XYLT1: variants seen among roughly 807,000 people sequenced by gnomAD.
The protein encoded by XYLT1 is beta-D-xylosyltransferase 1.
Under a neutral mutation model 91.3 loss-of-function variants are expected in XYLT1, and 36 were observed. The ratio of observed to expected loss-of-function variants is 0.39; its 90% CI spans 0.30 to 0.52. The LOEUF (loss-of-function observed/expected upper bound fraction) is 0.52, where lower values mean the gene tolerates loss of function less well. XYLT1 is among the 20% of genes least tolerant of loss of function. The pLI, the probability that XYLT1 is intolerant of heterozygous loss-of-function variation, is 0.68. For synonymous variants in XYLT1, 588 were observed against 532.0 expected (o/e 1.11, Z -1.45); for missense variants, 1,242 against 1,284.5 (o/e 0.97, Z 0.51).
intron 2 of XYLT1, among the ~76,000 whole-genome samples, chr16:17,351,977 CTACAAAAAT>C (rs763885337): frequency 2.8e-4 from 42 of 152,130 alleles, no homozygotes; most frequent in Non-Finnish European, 5.1e-4. Flanking sequence ...AATCCCACCT[CTACAAAAAT>C]TACAAAAATT....
At chr16:17,424,361 G>A (rs1052455548) in intron 1 of XYLT1, among the ~76,000 whole-genome samples, 3 of 152,144 alleles carry the variant, frequency 2.0e-5, no homozygotes, top group South Asian at 2.1e-4. Context: ...TATTCCATTC[G>A]GTTCATGAAC....
chr16:17,463,258 C>G (rs533193136), intron 1 of XYLT1, among the ~76,000 whole-genome samples: 1 of 152,058 alleles, frequency 6.6e-6, no homozygotes, highest in African/African-American at 2.4e-5. Context: ...AGCTTCTGCA[C>G]GGCAAACAAT....
At chr16:17,212,164 T>C (rs2032769962) in intron 3 of XYLT1, among the ~76,000 whole-genome samples, 1 of 152,234 alleles carries the variant, frequency 6.6e-6, no homozygotes, top group African/African-American at 2.4e-5. Context: ...CCAAACCTTC[T>C]GAATCAGAAA....
chr16:17,441,689 C>A (rs1056853026), intron 1 of XYLT1, among the ~76,000 whole-genome samples: 1 of 152,080 alleles, frequency 6.6e-6, no homozygotes, highest in Admixed American at 6.5e-5. Flanking sequence ...AAGTAGCAAT[C>A]GCAAGAACAG....
rs74010755 is a variant in XYLT1, at chr16:17,239,066, C to T, written c.913+19922G>A. Among the ~76,000 whole-genome samples the T allele has an allele frequency of 3.9e-3, 590 of 152,364 alleles. 2 individuals carry two copies. Among genetic ancestry groups the T allele is most frequent in the African/African-American group, 0.013 (551 of 41,584 alleles). On this transcript the variant is annotated intron_variant, in intron 3 of 11. Transcript: ENST00000261381. ...CAGCCAACAGACTGCCAAATTCTGC[C>T]AAATTTGCCTCCTGAATTGTTTTCA...
At chr16:17,438,736 A>T (rs1200052358) in intron 1 of XYLT1, among the ~76,000 whole-genome samples, 2 of 152,066 alleles carry the variant, frequency 1.3e-5, no homozygotes, top group African/African-American at 2.4e-5. Flanking sequence ...GTGGCAGGAG[A>T]GAGAGAGTGA....
intron 1 of XYLT1, among the ~76,000 whole-genome samples, chr16:17,396,777 A>G: frequency 6.6e-6 from 1 of 152,184 alleles, no homozygotes; most frequent in East Asian, 1.9e-4. Context: ...AATCTGAGGC[A>G]GGAGAATGGC....
At chr16:17,257,110 G>C (rs2033645136) in intron 3 of XYLT1, among the ~76,000 whole-genome samples, 1 of 152,214 alleles carries the variant, frequency 6.6e-6, no homozygotes, top group African/African-American at 2.4e-5. Context: ...TTTGGATTTA[G>C]AAGCGACAAG....
Position 17,212,739 on chromosome 16 carries a change from C to T in XYLT1, c.914-12085G>A, listed in dbSNP as rs1224743241. Reference sequence around the variant, plus strand: ...GAACCGTCTTATTGATTTTATTGTTCAGAGCCCTGGGATATTCTAATGATA... The same window carrying T: ...GAACCGTCTTATTGATTTTATTGTTTAGAGCCCTGGGATATTCTAATGATA... On this transcript the variant is annotated intron_variant, in intron 3 of 11. Transcript: ENST00000261381. Among the ~76,000 whole-genome samples, 13 of 152,242 alleles carry T rather than the reference C, an allele frequency of 8.5e-5. No individual in the cohort carries two copies. In the East Asian group the frequency reaches 2.5e-3, roughly 29 times the overall value.
chr16:17,129,095 A>AAC (rs2030375219), intron 9 of XYLT1, among the ~76,000 whole-genome samples: 1 of 150,118 alleles, frequency 6.7e-6, no homozygotes, highest in Admixed American at 6.6e-5. Context: ...AAAAAAAAAA[A>AAC]AACTTGAACA....
intron 1 of XYLT1, among the ~76,000 whole-genome samples, chr16:17,423,754 T>C (rs2036277613): frequency 6.6e-6 from 1 of 152,150 alleles, no homozygotes; most frequent in Non-Finnish European, 1.5e-5. Flanking sequence ...TGGCTGGGAC[T>C]ACAGGTGCAT....
At chr16:17,461,011 T>C (rs535066384) in intron 1 of XYLT1, among the ~76,000 whole-genome samples, 14 of 152,302 alleles carry the variant, frequency 9.2e-5, no homozygotes, top group Admixed American at 9.2e-4. Flanking sequence ...ACAAGGAGAC[T>C]GAGCTCCAGA....
chr16:17,453,474 T>C (rs1210397127), intron 1 of XYLT1, among the ~76,000 whole-genome samples: 1 of 152,122 alleles, frequency 6.6e-6, no homozygotes, highest in Non-Finnish European at 1.5e-5. Context: ...AGTGCTAGTG[T>C]CCAAAAAGTG....
rs531562951 is a variant in XYLT1 at position 17,284,796 on chromosome 16, T to A, written c.403-25298A>T. ...GACTCTGTCTCTAAAAATTAAAAAT[T>A]TAAAAAGCAAAGCTCTCAAGGCAGA... On this transcript the variant is annotated intron_variant, in intron 2 of 11. Transcript: ENST00000261381. Among the ~76,000 whole-genome samples, 4 of 152,204 alleles carry A rather than the reference T, an allele frequency of 2.6e-5. No individual in the cohort carries two copies. In the South Asian group the frequency reaches 8.3e-4, roughly 32 times the overall value.
rs142761727 is a variant in XYLT1, at chr16:17,108,292, G to C, written c.*403C>G. On this transcript the variant is annotated 3_prime_UTR_variant, in exon 12 of 12. Coordinates refer to ENST00000261381, the MANE Select transcript of XYLT1 (RefSeq NM_022166.4). ...ACCTCGCACTTGTCAGCTTCAACCA[G>C]AGCAGCTTGGATTTCGTCAGCACCC... The C allele has an allele frequency of 3.9e-3, 652 of 166,336 alleles. 3 individuals are homozygous for C. The highest frequency in any genetic ancestry group is 6.1e-3 in the Non-Finnish European group (476 of 77,556). 10.3% of individuals were successfully genotyped at this position (166,336 alleles called of 1,614,324 possible).
At chr16:17,150,741 T>C (rs2031261866) in intron 6 of XYLT1, among the ~76,000 whole-genome samples, 1 of 152,046 alleles carries the variant, frequency 6.6e-6, no homozygotes, top group Non-Finnish European at 1.5e-5. Flanking sequence ...CATCGAGAAA[T>C]ATGAAACACA....
intron 1 of XYLT1, among the ~76,000 whole-genome samples, chr16:17,400,788 G>C (rs1398803307): frequency 6.6e-6 from 1 of 152,170 alleles, no homozygotes; most frequent in Non-Finnish European, 1.5e-5. Context: ...TGTGGAGTTA[G>C]AGCGAGGAAG....
intron 3 of XYLT1, among the ~76,000 whole-genome samples, chr16:17,237,693 G>A (rs1000383289): frequency 6.6e-6 from 1 of 152,132 alleles, no homozygotes; most frequent in African/African-American, 2.4e-5. Flanking sequence ...ATATTCATCT[G>A]GGCCTAGTTC....
chr16:17,336,327 C>T (rs781750985), intron 2 of XYLT1, among the ~76,000 whole-genome samples: 8 of 152,208 alleles, frequency 5.3e-5, no homozygotes, highest in Non-Finnish European at 1.0e-4. Context: ...CCCAGTGTTT[C>T]CCAATACTGT....
Sources: gnomAD v4.1 joint callset for allele counts (sites outside exome capture counted in the v4.1 genomes callset) on GRCh38, gnomAD v4.1.1 for gene constraint, MANE v1.5 for transcripts, NCBI Gene and HGNC (gene_info 2026-07-23, HGNC 2026-07-21) for gene names.